Variants in IFI35 observed in about 807,000 individuals in gnomAD.
IFI35 encodes the protein interferon-induced 35 kDa protein.
IFI35 carries 30 observed loss-of-function variants against 28.6 expected under a neutral mutation model. The observed-to-expected ratio is 1.05, with a 90% CI of 0.79 to 1.43. IFI35 has a LOEUF of 1.43. Ranked by LOEUF, IFI35 falls within the 40% of genes most tolerant of loss-of-function variation. The pLI, the probability that IFI35 is intolerant of heterozygous loss-of-function variation, is 0.00. For missense variants in IFI35, 372 were observed against 356.9 expected (o/e 1.04, Z -0.34); for synonymous variants, 146 against 154.8 (o/e 0.94, Z 0.42).
At position 43,014,166 on chromosome 17, in the gene IFI35, A is replaced by T; in HGVS notation, c.728A>T (p.Asp243Val). 1 of 1,613,966 alleles carries T rather than the reference A, an allele frequency of 6.2e-7. No individual in the cohort carries two copies. Among genetic ancestry groups the T allele is most frequent in the Middle Eastern group, 1.7e-4 (1 of 6,056 alleles). Residue 243 changes from aspartate to valine, a missense_variant, in exon 7 of 7, where the codon GAT becomes GTT. Transcript: ENST00000415816. Reference protein sequence around the residue: ...VLVLNIPDILDGPELHDVLEI... With the variant: ...VLVLNIPDILVGPELHDVLEI... ...GTGCTCAACATTCCTGATATCTTGG[A>T]TGGCCCGGAGCTGCATGACGTCCTG... is the stretch of plus-strand genomic sequence containing the variant.
Position 43,014,308 on chromosome 17 carries a change from C to T in IFI35, c.*9C>T, listed in dbSNP as rs890078393. 1 of 1,520,812 alleles carries T rather than the reference C, an allele frequency of 6.6e-7. No homozygotes were observed. Among genetic ancestry groups the T allele is most frequent in the Non-Finnish European group, 8.8e-7 (1 of 1,135,068 alleles). The allele number at this position is 1,520,812 out of a possible 1,614,324, so 94.2% of individuals were successfully genotyped here. A position where few individuals can be genotyped will look rare whatever the true frequency, so the allele number is the denominator to read the frequency against. On this transcript the variant is annotated 3_prime_UTR_variant, in exon 7 of 7. Transcript: ENST00000415816. ...CCTCTGAGTCAGGCTAGGGGCCTCC[C>T]CTTCTCATCCTCCCCACCCCCCCGC...
rs763467879 is a variant in IFI35, at chr17:43,014,171, C to T, written c.733C>T (p.Pro245Ser). 1 of 1,614,048 alleles carries T rather than the reference C, an allele frequency of 6.2e-7. No homozygotes were observed. The highest frequency in any genetic ancestry group is 8.5e-7 in the Non-Finnish European group (1 of 1,179,958). Residue 245 changes from proline to serine, a missense_variant, in exon 7 of 7, where the codon CCG becomes TCG. Coordinates refer to ENST00000415816, the MANE Select transcript of IFI35 (RefSeq NM_001330230.2). ...CAACATTCCTGATATCTTGGATGGC[C>T]CGGAGCTGCATGACGTCCTGGAGAT... is the stretch of plus-strand genomic sequence containing the variant. ...VLNIPDILDG[P>S]ELHDVLEIHF...
intron 1 of IFI35, among the ~76,000 whole-genome samples, chr17:43,010,199 C>A (rs1397260896): frequency 2.0e-5 from 3 of 151,734 alleles, no homozygotes; most frequent in Non-Finnish European, 1.5e-5. Context: ...CGCGCCACTG[C>A]ACTCCAGCCT....
rs776729572 is a variant in IFI35, at chr17:43,013,479, T to G, written c.379T>G (p.Ser127Ala). 1.9e-6 allele frequency: 3 copies of G among 1,613,682 alleles called. No homozygotes were observed. Among genetic ancestry groups the G allele is most frequent in the African/African-American group, 1.3e-5 (1 of 74,866 alleles). The change falls in exon 5 of 7, where the codon TCC (serine) becomes GCC (alanine). Residue 127 changes from serine (S) to alanine (A), a missense_variant. Ser to Ala is a moderately conservative substitution (Grantham distance 99). Transcript: ENST00000415816. ...ACCCCTTGCTGTCTCCCCCTAGATG[T>G]CCAGCCAGTTGAGTGGCCGGAGGGT... Reference protein sequence around the residue: ...ELPMVTTIQMSSQLSGRRVLV... With the variant: ...ELPMVTTIQMASQLSGRRVLV...
At chr17:43,008,517 A>AC in intron 1 of IFI35, among the ~76,000 whole-genome samples, 1 of 41,052 alleles carries the variant, frequency 2.4e-5, no homozygotes, top group Admixed American at 4.2e-4. Flanking sequence ...CGCCTGGCTC[A>AC]TTTTTTTTTT....
intron 4 of IFI35, 43 bp from the exon 5 acceptor site, chr17:43,013,433 A>T: frequency 6.2e-7 from 1 of 1,612,006 alleles, no homozygotes; most frequent in Non-Finnish European, 8.5e-7. Flanking sequence ...GGCATGGGGA[A>T]GTGGAGCTGT....
chr17:43,014,016 G>A lies in IFI35; in HGVS notation c.670-92G>A, dbSNP rs535720762. ...CACCATCAGCCTCTCCAGGCCTCCCGACCTCATACCCCCATGGGGCACTGC... is the reference window on the plus strand; with the variant it reads ...CACCATCAGCCTCTCCAGGCCTCCCAACCTCATACCCCCATGGGGCACTGC... On this transcript the variant is annotated intron_variant, in intron 6 of 6. Transcript: ENST00000415816. 7.5e-4 allele frequency: 1,042 copies of A among 1,384,242 alleles called. 3 individuals are homozygous for A. Among genetic ancestry groups the A allele is most frequent in the Non-Finnish European group, 1.0e-3 (1,004 of 993,778 alleles). The allele number at this position is 1,384,242 out of a possible 1,614,324, so 85.7% of individuals were successfully genotyped here. A position where few individuals can be genotyped will look rare whatever the true frequency, so the allele number is the denominator to read the frequency against.
chr17:43,011,537 A>G (rs2050458500), intron 1 of IFI35, among the ~76,000 whole-genome samples: 1 of 152,126 alleles, frequency 6.6e-6, no homozygotes, highest in Admixed American at 6.6e-5. Flanking sequence ...ATAAATAAAT[A>G]AAAATTAAAA....
At chr17:43,008,321 A>G (rs1035146011) in intron 1 of IFI35, among the ~76,000 whole-genome samples, 3 of 145,020 alleles carry the variant, frequency 2.1e-5, no homozygotes, top group Non-Finnish European at 4.5e-5. Flanking sequence ...GGTGTAAGCC[A>G]CCATGCCCGG....
chr17:43,006,941 G>C lies in IFI35; in HGVS notation c.-7G>C, dbSNP rs185998705. 1.3e-4 allele frequency: 217 copies of C among 1,614,092 alleles called. No individual in the cohort carries two copies. In the African/African-American group the frequency reaches 2.5e-3, roughly 18 times the overall value. ...GCCTCAGCTCTTGCCAAACAGACCC[G>C]AGACCCATGTCAGCCCCACTGGATG... On this transcript the variant is annotated 5_prime_UTR_variant, in exon 1 of 7. Transcript: ENST00000415816.
At chr17:43,007,132 T>C (rs906512399) in intron 1 of IFI35, among the ~76,000 whole-genome samples, 164 bp downstream of exon 1, 1 of 151,954 alleles carries the variant, frequency 6.6e-6, no homozygotes, top group Non-Finnish European at 1.5e-5. Context: ...TCTGCAAGAG[T>C]TGGTTCCCTA....
chr17:43,008,495 C>T (rs979878282), intron 1 of IFI35, among the ~76,000 whole-genome samples: 1 of 148,044 alleles, frequency 6.8e-6, no homozygotes, highest in African/African-American at 2.5e-5. Flanking sequence ...ATTATAGGCA[C>T]ACATGCCACC....
In IFI35 at chr17:43,013,487, G is replaced by A; in HGVS notation, c.387G>A (p.Gln129=). ...CTGTCTCCCCCTAGATGTCCAGCCA[G>A]TTGAGTGGCCGGAGGGTGTTGGTCA... ...PMVTTIQMSS[Q]LSGRRVLVTG... is the part of the protein sequence containing the mutation. The change falls in exon 5 of 7, where the codon CAG becomes CAA. Residue 129 remains glutamine, a synonymous_variant. Coordinates refer to ENST00000415816, the MANE Select transcript of IFI35 (RefSeq NM_001330230.2). 6.2e-7 allele frequency: 1 copy of A among 1,613,976 alleles called. No individual in the cohort carries two copies. The highest frequency in any genetic ancestry group is 1.1e-5 in the South Asian group (1 of 91,072).
chr17:43,007,114 G>C, intron 1 of IFI35, 146 bp downstream of exon 1: 1 of 895,596 alleles, frequency 1.1e-6, no homozygotes, highest in Non-Finnish European at 1.9e-6. Flanking sequence ...CACAGGGCTG[G>C]GGTTGCCTCT....
rs372219137 is a variant in IFI35, at chr17:43,013,678, G to A, written c.562+16G>A. 6 of 1,612,014 alleles carry A rather than the reference G, an allele frequency of 3.7e-6. No individual in the cohort carries two copies. Among genetic ancestry groups the A allele is most frequent in the Non-Finnish European group, 4.2e-6 (5 of 1,178,306 alleles). ...AGGGATGGAGGTGAGGGCTATGCAG[G>A]CCTCCTGCAGGGGAGAGGGTATAGG... On this transcript the variant is annotated intron_variant, in intron 5 of 6. Coordinates refer to ENST00000415816, the MANE Select transcript of IFI35 (RefSeq NM_001330230.2).
intron 1 of IFI35, among the ~76,000 whole-genome samples, chr17:43,008,062 TCTCA>T (rs1355620599): frequency 7.6e-6 from 1 of 131,564 alleles, no homozygotes; most frequent in Non-Finnish European, 1.6e-5. Context: ...TGAGACGGAG[TCTCA>T]CTCTGTCTCC....
Position 43,011,337 on chromosome 17 carries a change from G to A in IFI35, c.22-842G>A, listed in dbSNP as rs549541462. Among the ~76,000 whole-genome samples, 76 of 152,138 alleles carry A rather than the reference G, an allele frequency of 5.0e-4. No individual in the cohort carries two copies. The East Asian group carries it at 0.014, about 28-fold the overall frequency. ...AGTTTGAGACCAACCTGGCCAACAT[G>A]GTGAAAACCTGTTTCTACTAAAAAT... On this transcript the variant is annotated intron_variant, in intron 1 of 6. Coordinates refer to ENST00000415816, the MANE Select transcript of IFI35 (RefSeq NM_001330230.2).
Position 43,009,165 on chromosome 17 carries a change from A to ATT in IFI35, c.21+2201_21+2202dup, listed in dbSNP as rs564531316. On this transcript the variant is annotated intron_variant, in intron 1 of 6. Coordinates refer to ENST00000415816, the MANE Select transcript of IFI35 (RefSeq NM_001330230.2). ...AGGCATGTGCCACCATGCCTGGCTA[A>ATT]TTTTTAAATATTTTGTAGAGGTAGA... 4.7e-3 allele frequency among the ~76,000 whole-genome samples: 703 copies of ATT among 151,160 alleles called. 1 individual carries two copies. The highest frequency in any genetic ancestry group is 0.016 in the African/African-American group (657 of 41,144).
intron 1 of IFI35, among the ~76,000 whole-genome samples, chr17:43,011,860 T>C (rs561247036): frequency 6.6e-6 from 1 of 152,336 alleles, no homozygotes; most frequent in South Asian, 2.1e-4. Flanking sequence ...TACCCTTATC[T>C]TCCACTGCCT....
Sources: gnomAD v4.1 joint callset for allele counts (sites outside exome capture counted in the v4.1 genomes callset) on GRCh38, gnomAD v4.1.1 for gene constraint, MANE v1.5 for transcripts, NCBI Gene and HGNC (gene_info 2026-07-23, HGNC 2026-07-21) for gene names.